Variants in RNF168 observed in about 807,000 individuals in gnomAD.
The protein encoded by RNF168 is ring finger protein 168, also known as E3 ubiquitin-protein ligase RNF168.
Under a neutral mutation model 34.9 loss-of-function variants are expected in RNF168, and 34 were observed. That is an observed-to-expected ratio of 0.97 (90% CI 0.74 to 1.30). RNF168 has a LOEUF of 1.30. Among genes scored for constraint, RNF168 ranks in the 50% most tolerant of loss-of-function variants. The pLI is 0.00. For synonymous variants in RNF168, 264 were observed against 254.7 expected, an observed-to-expected ratio of 1.04 and a Z score of -0.35; for missense variants, 725 against 682.5, an observed-to-expected ratio of 1.06 and a Z score of -0.69.
In RNF168 at chr3:196,472,636, C is replaced by G. The variant is rs748424928; in HGVS notation, c.899G>C (p.Trp300Ser). The G allele has an allele frequency of 2.5e-6, 4 of 1,613,238 alleles. No individual in the cohort carries two copies. In the Admixed American group the frequency reaches 6.7e-5, roughly 27 times the overall value. Residue 300 changes from tryptophan (W) to serine (S), a missense_variant, in exon 6 of 6, where the codon TGG becomes TCG. Coordinates refer to ENST00000318037, the MANE Select transcript of RNF168 (RefSeq NM_152617.4). ...CCATTCGGCACCACAGGCACATAAC[C>G]ATGGCATAGGGGACTCTATTGAAGA... ...ADSSIESPMPWLCACGAEWYH... is the reference protein window; with the variant it reads ...ADSSIESPMPSLCACGAEWYH...
intron 1 of RNF168, among the ~76,000 whole-genome samples, chr3:196,497,498 C>T (rs1732771736): frequency 1.3e-5 from 2 of 151,820 alleles, no homozygotes; most frequent in African/African-American, 2.4e-5. Flanking sequence ...GGTGAAGCCC[C>T]ATCTCTACAA....
chr3:196,502,954 C>T lies in RNF168; in HGVS notation c.220G>A (p.Val74Met), dbSNP rs575170766. 1 of 1,613,746 alleles carries T rather than the reference C, an allele frequency of 6.2e-7. No homozygotes were observed. The highest frequency in any genetic ancestry group is 8.5e-7 in the Non-Finnish European group (1 of 1,179,686). The part of the protein sequence containing the change: ...YHTRRNSLVN[V>M]ELWTIIQKHY... ...TTTTGAATTATCGTCCACAGTTCCA[C>T]GTTGACGAGAGAATTTCTTCGGGTA... The change falls in exon 1 of 6, where the codon GTG becomes ATG. Residue 74 changes from valine (V) to methionine (M), a missense_variant. By Grantham distance (21) the Val-to-Met change is conservative. Coordinates refer to ENST00000318037, the MANE Select transcript of RNF168 (RefSeq NM_152617.4).
rs1347342209 is a variant in RNF168 at position 196,502,779 on chromosome 3, T to G, written c.301+94A>C. On this transcript the variant is annotated intron_variant, in intron 1 of 5. Coordinates refer to ENST00000318037, the MANE Select transcript of RNF168 (RefSeq NM_152617.4). ...TTTAGACAAATACTAGTCGGGTTTT[T>G]TGGTTTGTTTTTACTTTTTAAATGG... The G allele has an allele frequency of 7.9e-6, 9 of 1,141,482 alleles. No homozygotes were observed. In the East Asian group the frequency reaches 1.9e-4, roughly 25 times the overall value. 70.7% of individuals were successfully genotyped at this position (1,141,482 alleles called of 1,614,324 possible).
rs377332315 is a variant in RNF168 at position 196,483,701 on chromosome 3, T to C, written c.680+69A>G. The C allele has an allele frequency of 1.7e-5, 22 of 1,305,762 alleles. No homozygotes were observed. The African/African-American group carries it at 2.9e-4, about 17-fold the overall frequency. 80.9% of individuals were successfully genotyped at this position (1,305,762 alleles called of 1,614,324 possible). On this transcript the variant is annotated intron_variant, in intron 4 of 5. Coordinates refer to ENST00000318037, the MANE Select transcript of RNF168 (RefSeq NM_152617.4). ...ACCAAACTTTGAGAATCAGTAGTAG[T>C]CTATATGAACAGAAAACACTGGCAT...
chr3:196,497,748 G>A (rs1732780521), intron 1 of RNF168, among the ~76,000 whole-genome samples: 1 of 151,822 alleles, frequency 6.6e-6, no homozygotes, highest in Non-Finnish European at 1.5e-5. Flanking sequence ...AGGTTTCTTA[G>A]ACCATAAAAA....
chr3:196,500,913 G>A (rs200276121), intron 1 of RNF168, among the ~76,000 whole-genome samples: 32 of 150,454 alleles, frequency 2.1e-4, no homozygotes, highest in African/African-American at 7.0e-4. Flanking sequence ...GGGTTTCACC[G>A]TGTTAGCCAG....
Position 196,469,100 on chromosome 3 carries a change from C to G in RNF168, c.*2719G>C, listed in dbSNP as rs1465641930. The G allele has an allele frequency of 6.6e-6, 1 of 151,982 alleles. No homozygotes were observed. The highest frequency in any genetic ancestry group is 2.4e-5 in the African/African-American group (1 of 41,372). The allele number at this position is 151,982 out of a possible 1,614,324, so 9.4% of individuals were successfully genotyped here. A position where few individuals can be genotyped will look rare whatever the true frequency, so the allele number is the denominator to read the frequency against. ...ATATTTACACCTAAATATATCACAC[C>G]CTCCTTTTTGGTCACAGACTATTCC... is the stretch of plus-strand genomic sequence containing the variant. On this transcript the variant is annotated 3_prime_UTR_variant, in exon 6 of 6. Transcript: ENST00000318037.
rs376807171 is a variant in RNF168, at chr3:196,488,965, C to T, written c.302-282G>A. On this transcript the variant is annotated intron_variant, in intron 1 of 5. Coordinates refer to ENST00000318037, the MANE Select transcript of RNF168 (RefSeq NM_152617.4). ...CTCCCAGGTTCAAGCGATTCTCCTG[C>T]CTCAGCCTTCTCCTGAGCAGCTGGG... Among the ~76,000 whole-genome samples the T allele has an allele frequency of 3.7e-4, 53 of 143,650 alleles. No homozygotes were observed. In the South Asian group the frequency reaches 0.011, roughly 29 times the overall value. 94.2% of individuals were successfully genotyped at this position (143,650 alleles called of 152,430 possible).
intron 1 of RNF168, among the ~76,000 whole-genome samples, chr3:196,495,028 T>C (rs533233209): frequency 1.0e-3 from 158 of 152,146 alleles, no homozygotes; most frequent in Non-Finnish European, 2.1e-3. Context: ...GTCTCGAAAA[T>C]AAAATAACAT....
chr3:196,497,422 C>T lies in RNF168; in HGVS notation c.301+5451G>A, dbSNP rs139557477. On this transcript the variant is annotated intron_variant, in intron 1 of 5. Coordinates refer to ENST00000318037, the MANE Select transcript of RNF168 (RefSeq NM_152617.4). ...CACAGTGGCTCACACCTGTAATCCT[C>T]GCACTTTGGGAGGCCAAGGCAGGCG... 9.0e-3 allele frequency among the ~76,000 whole-genome samples: 1,366 copies of T among 152,188 alleles called. 12 individuals are homozygous for T. The highest frequency in any genetic ancestry group is 0.03 in the African/African-American group (1,246 of 41,528).
At chr3:196,475,988 T>A (rs1450778909) in intron 4 of RNF168, among the ~76,000 whole-genome samples, 1 of 151,556 alleles carries the variant, frequency 6.6e-6, no homozygotes, top group Non-Finnish European at 1.5e-5. Context: ...GCCTCCTGAG[T>A]AGCTGGGATT....
At chr3:196,483,602 G>C (rs945635343) in intron 4 of RNF168, among the ~76,000 whole-genome samples, 168 bp downstream of exon 4, 1 of 152,220 alleles carries the variant, frequency 6.6e-6, no homozygotes, top group Non-Finnish European at 1.5e-5. Context: ...GAGAAGCCAA[G>C]AGGAAGCTGT....
At position 196,486,324 on chromosome 3, in the gene RNF168, A is replaced by G. The variant is rs115996342; in HGVS notation, c.558+1075T>C. ...GCAAAACAGTGTGATTGCTTTATATAATCCTTTTTAGGTCAATAAAGAAAA... is the reference window on the plus strand; with the variant it reads ...GCAAAACAGTGTGATTGCTTTATATGATCCTTTTTAGGTCAATAAAGAAAA... On this transcript the variant is annotated intron_variant, in intron 3 of 5. Coordinates refer to ENST00000318037, the MANE Select transcript of RNF168 (RefSeq NM_152617.4). Among the ~76,000 whole-genome samples the G allele has an allele frequency of 4.0e-3, 613 of 152,306 alleles. 5 individuals carry two copies. The highest frequency in any genetic ancestry group is 0.014 in the African/African-American group (589 of 41,562).
chr3:196,474,505 C>T (rs1296848685), intron 5 of RNF168, among the ~76,000 whole-genome samples: 3 of 144,064 alleles, frequency 2.1e-5, no homozygotes, highest in Non-Finnish European at 3.0e-5. Flanking sequence ...TGGAGGGCAA[C>T]GGCACGATCT....
intron 2 of RNF168, 85 bp from the exon 3 acceptor site, chr3:196,487,663 A>G: frequency 7.7e-7 from 1 of 1,303,898 alleles, no homozygotes; most frequent in Non-Finnish European, 1.1e-6. Flanking sequence ...GAAAAGTAGA[A>G]AAAGAACAAA....
chr3:196,503,054 G>A lies in RNF168; in HGVS notation c.120C>T (p.Phe40=), dbSNP rs765823179. The A allele has an allele frequency of 4.3e-6, 7 of 1,614,178 alleles. No individual in the cohort carries two copies. The South Asian group carries it at 6.6e-5, about 15-fold the overall frequency. Residue 40 remains phenylalanine (F), a synonymous_variant, in exon 1 of 6, where the codon TTC becomes TTT. Coordinates refer to ENST00000318037, the MANE Select transcript of RNF168 (RefSeq NM_152617.4). ...AACTCGCCTTTTCGACGGTCGACTG[G>A]AAGCACGGTTTACACAGCGTGTGGT... ...PCNHTLCKPC[F]QSTVEKASLC... is the part of the protein sequence containing the mutation.
rs57647149 is a variant in RNF168, at chr3:196,471,196, C to CAAAAAAAAAAAAAAAAA, written c.*606_*622dup. The CAAAAAAAAAAAAAAAAA allele has an allele frequency of 1.5e-4, 6 of 40,640 alleles. No individual in the cohort carries two copies. Among genetic ancestry groups the CAAAAAAAAAAAAAAAAA allele is most frequent in the Non-Finnish European group, 2.2e-4 (5 of 22,422 alleles). The allele number at this position is 40,640 out of a possible 1,614,324, so 2.5% of individuals were successfully genotyped here. A position where few individuals can be genotyped will look rare whatever the true frequency, so the allele number is the denominator to read the frequency against. ...GCGTGACAGAGCAAGACTCTGTCTC[C>CAAAAAAAAAAAAAAAAA]AAAAAAAAAAAAAAAAAAAAAAAAA... On this transcript the variant is annotated 3_prime_UTR_variant, in exon 6 of 6. Transcript: ENST00000318037.
At chr3:196,489,586 CA>C (rs1391855885) in intron 1 of RNF168, among the ~76,000 whole-genome samples, 1 of 152,160 alleles carries the variant, frequency 6.6e-6, no homozygotes, top group Non-Finnish European at 1.5e-5. Context: ...CTCAGCCTCC[CA>C]AAGTGCTGGG....
At chr3:196,502,207 G>C (rs949998350) in intron 1 of RNF168, among the ~76,000 whole-genome samples, 7 of 152,136 alleles carry the variant, frequency 4.6e-5, no homozygotes, top group African/African-American at 1.7e-4. Flanking sequence ...AGTCTACCGG[G>C]TGCAGGGTTG....
Sources: allele counts gnomAD v4.1 joint callset (sites outside exome capture counted in the v4.1 genomes callset), GRCh38; gene constraint gnomAD v4.1.1; transcripts MANE v1.5; gene names NCBI Gene and HGNC (gene_info 2026-07-23, HGNC 2026-07-21).